The following KDM4C variants were observed in gnomAD, a reference collection of about 807,000 sequenced individuals.
KDM4C encodes the protein lysine demethylase 4C.
A neutral mutation model predicts 129.3 loss-of-function variants in KDM4C; 81 were observed. The observed-to-expected ratio is 0.63, with a 90% CI of 0.52 to 0.75. The LOEUF is 0.75. Among genes scored for constraint, KDM4C ranks in the 30% least tolerant of loss-of-function variants. The pLI is 0.00. For missense variants in KDM4C, 1,457 were observed against 1,304.0 expected (o/e 1.12, Z -1.81); for synonymous variants, 573 against 456.1 (o/e 1.26, Z -3.26).
At chr9:6,854,525 C>CAAAAAAAAAAAAAAAAA (rs1177446839) in intron 5 of KDM4C, among the ~76,000 whole-genome samples, 4 of 41,358 alleles carry the variant, frequency 9.7e-5, no homozygotes, top group East Asian at 6.4e-4. Flanking sequence ...AACTCCGTCT[C>CAAAAAAAAAAAAAAAAA]AAAAAAAAAA....
chr9:7,117,019 C>G (rs1483541971), intron 18 of KDM4C, among the ~76,000 whole-genome samples: 2 of 152,114 alleles, frequency 1.3e-5, no homozygotes, highest in Admixed American at 6.6e-5. Context: ...ATTTGATGTT[C>G]ATAGTAAACT....
At chr9:7,084,367 T>A (rs1448081114) in intron 17 of KDM4C, among the ~76,000 whole-genome samples, 1 of 152,192 alleles carries the variant, frequency 6.6e-6, no homozygotes, top group African/African-American at 2.4e-5. Context: ...AGACAAACGT[T>A]TTGTTAGCCA....
rs149466715 is a variant in KDM4C at position 6,870,491 on chromosome 9, G to A, written c.630-9521G>A. Among the ~76,000 whole-genome samples, 836 of 152,116 alleles carry A rather than the reference G, an allele frequency of 5.5e-3. 16 individuals carry two copies. Among genetic ancestry groups the A allele is most frequent in the African/African-American group, 0.019 (807 of 41,494 alleles). ...TTGGCTTCCTCATTAGTTAAATGGA[G>A]GTAGTAGTAGAACTTGTATTATAAC... is the stretch of plus-strand genomic sequence containing the variant. On this transcript the variant is annotated intron_variant, in intron 5 of 21. Coordinates refer to ENST00000381309, the MANE Select transcript of KDM4C (RefSeq NM_015061.6).
At chr9:6,885,901 A>G (rs979929966) in intron 6 of KDM4C, among the ~76,000 whole-genome samples, 3 of 152,214 alleles carry the variant, frequency 2.0e-5, no homozygotes, top group African/African-American at 7.2e-5. Context: ...TTTCCAATTT[A>G]GGTTAACTTA....
chr9:6,831,494 C>T (rs1307834674), intron 4 of KDM4C, among the ~76,000 whole-genome samples: 1 of 152,124 alleles, frequency 6.6e-6, no homozygotes, highest in South Asian at 2.1e-4. Context: ...AGGTGTGTGC[C>T]ACCACGCCCA....
At chr9:6,898,755 A>C (rs1563779240) in intron 8 of KDM4C, among the ~76,000 whole-genome samples, 1 of 152,200 alleles carries the variant, frequency 6.6e-6, no homozygotes, top group African/African-American at 2.4e-5. Flanking sequence ...AATTCTCTAA[A>C]ATTAAGTTAG....
chr9:6,793,844 CTT>C (rs890465011), intron 2 of KDM4C, among the ~76,000 whole-genome samples: 1 of 151,100 alleles, frequency 6.6e-6, no homozygotes, highest in African/African-American at 2.4e-5. Flanking sequence ...TGCCCGGCCT[CTT>C]TTTTTTTATA....
At chr9:6,792,370 T>C (rs1319113475) in intron 1 of KDM4C, among the ~76,000 whole-genome samples, 1 of 152,050 alleles carries the variant, frequency 6.6e-6, no homozygotes, top group African/African-American at 2.4e-5. Flanking sequence ...ATTTTTTATT[T>C]ATTTATTTTT....
At chr9:7,059,662 C>T (rs983413244) in intron 17 of KDM4C, among the ~76,000 whole-genome samples, 1 of 152,182 alleles carries the variant, frequency 6.6e-6, no homozygotes, top group Non-Finnish European at 1.5e-5. Flanking sequence ...TCTTCATATA[C>T]TTCAACCAAA....
intron 17 of KDM4C, among the ~76,000 whole-genome samples, chr9:7,081,664 C>T (rs945628131): frequency 6.6e-6 from 1 of 152,166 alleles, no homozygotes; most frequent in Admixed American, 6.5e-5. Flanking sequence ...ACCTCACGAG[C>T]CCAGAGCCTA....
chr9:7,104,220 T>C (rs1409681943), intron 18 of KDM4C: 1 of 208,434 alleles, frequency 4.8e-6, no homozygotes, highest in African/African-American at 2.2e-5. Flanking sequence ...AGGATGAGAG[T>C]GAGACCATTT....
chr9:6,951,898 A>G (rs1304257287), intron 8 of KDM4C, among the ~76,000 whole-genome samples: 1 of 152,206 alleles, frequency 6.6e-6, no homozygotes, highest in Admixed American at 6.5e-5. Flanking sequence ...GATTATGATA[A>G]TTGATCTTTT....
intron 8 of KDM4C, among the ~76,000 whole-genome samples, chr9:6,971,387 C>G (rs997504770): frequency 6.6e-6 from 1 of 152,168 alleles, no homozygotes; most frequent in Non-Finnish European, 1.5e-5. Context: ...AAATGTAGAT[C>G]ATTAAAACTG....
intron 21 of KDM4C, among the ~76,000 whole-genome samples, chr9:7,173,516 G>T (rs765362114): frequency 6.6e-6 from 1 of 152,194 alleles, no homozygotes; most frequent in Admixed American, 6.5e-5. Flanking sequence ...CTTTCTTCCA[G>T]TGGTACTGTG....
intron 8 of KDM4C, among the ~76,000 whole-genome samples, chr9:6,935,213 A>G (rs968194537): frequency 6.6e-6 from 1 of 152,088 alleles, no homozygotes; most frequent in Non-Finnish European, 1.5e-5. Flanking sequence ...CTCTCTCATC[A>G]TTACTTACAA....
intron 8 of KDM4C, among the ~76,000 whole-genome samples, chr9:6,919,528 C>T (rs1378170844): frequency 1.2e-5 from 1 of 83,346 alleles, no homozygotes; most frequent in Non-Finnish European, 2.8e-5. Flanking sequence ...CTTTCAATTT[C>T]ATCTGTCTGT....
At chr9:6,882,805 T>TGC (rs1554624376) in intron 6 of KDM4C, among the ~76,000 whole-genome samples, 3,090 of 149,206 alleles carry the variant, frequency 0.021, 62 homozygotes, top group African/African-American at 0.045. Flanking sequence ...TGTGTGTGTG[T>TGC]GCGCGTGTGC....
intron 2 of KDM4C, among the ~76,000 whole-genome samples, chr9:6,797,588 A>G (rs1054846384): frequency 3.9e-5 from 6 of 152,186 alleles, no homozygotes; most frequent in African/African-American, 1.4e-4. Context: ...CTTTTTTTAT[A>G]TATGAAGTGG....
At chr9:6,906,952 C>G (rs1283944836) in intron 8 of KDM4C, among the ~76,000 whole-genome samples, 1 of 152,158 alleles carries the variant, frequency 6.6e-6, no homozygotes, top group African/African-American at 2.4e-5. Flanking sequence ...TGGGAACAAT[C>G]TAAGATTTAT....
Sources: allele counts gnomAD v4.1 joint callset (sites outside exome capture counted in the v4.1 genomes callset), GRCh38; gene constraint gnomAD v4.1.1; transcripts MANE v1.5; gene names NCBI Gene and HGNC (gene_info 2026-07-23, HGNC 2026-07-21).